Variants in MSH3 observed in about 807,000 individuals in gnomAD.
MSH3 encodes DNA mismatch repair protein Msh3.
A neutral mutation model predicts 123.3 loss-of-function variants in MSH3; 106 were observed. The ratio of observed to expected loss-of-function variants is 0.86; its 90% CI spans 0.73 to 1.01. MSH3 has a LOEUF of 1.01. Among genes scored for constraint, MSH3 ranks in the 50% least tolerant of loss-of-function variants. MSH3 has a pLI of 0.00. For synonymous variants in MSH3, 515 were observed against 481.4 expected (o/e 1.07, Z -0.91); for missense variants, 1,459 against 1,347.6 (o/e 1.08, Z -1.29).
At chr5:80,702,922 G>C (rs1750644603) in intron 8 of MSH3, among the ~76,000 whole-genome samples, 1 of 152,176 alleles carries the variant, frequency 6.6e-6, no homozygotes, top group African/African-American at 2.4e-5. Flanking sequence ...TGAGGCAGGA[G>C]AATCACTTGA....
intron 4 of MSH3, 108 bp downstream of exon 4, chr5:80,670,417 A>G (rs6151631): frequency 2.7e-5 from 31 of 1,139,468 alleles, no homozygotes; most frequent in Non-Finnish European, 3.6e-5. Context: ...GATTTGATCA[A>G]TCACCTTTTA....
chr5:80,670,454 C>T, intron 4 of MSH3, 145 bp downstream of exon 4: 2 of 915,042 alleles, frequency 2.2e-6, no homozygotes, highest in Non-Finnish European at 3.3e-6. Flanking sequence ...AAAGTAAAAA[C>T]TAAAAATGAA....
At chr5:80,784,240 G>GA (rs1561477481) in intron 17 of MSH3, among the ~76,000 whole-genome samples, 1 of 70,636 alleles carries the variant, frequency 1.4e-5, no homozygotes, top group South Asian at 4.3e-4. Flanking sequence ...AAAAAAAAAA[G>GA]GGAAATAAAT....
intron 8 of MSH3, among the ~76,000 whole-genome samples, chr5:80,714,384 C>T (rs1750916539): frequency 6.6e-6 from 1 of 151,976 alleles, no homozygotes; most frequent in South Asian, 2.1e-4. Context: ...GATCCGCCCT[C>T]CTGAGCCTCC....
chr5:80,749,740 C>T (rs1016670942), intron 12 of MSH3, among the ~76,000 whole-genome samples: 3 of 152,066 alleles, frequency 2.0e-5, no homozygotes, highest in African/African-American at 7.2e-5. Context: ...TTAAAACCCT[C>T]TTTTAGCTAT....
Position 80,792,873 on chromosome 5 carries a change from G to A in MSH3, c.2655+29G>A, listed in dbSNP as rs548822719. On this transcript the variant is annotated intron_variant, in intron 19 of 23. Transcript: ENST00000265081. ...AGTACCTTATGCCAAAAAATAAGTCGATGATAACATCCCAAACTTTTACAT... is the reference window on the plus strand; with the variant it reads ...AGTACCTTATGCCAAAAAATAAGTCAATGATAACATCCCAAACTTTTACAT... 36 of 1,391,808 alleles carry A rather than the reference G, an allele frequency of 2.6e-5. No homozygotes were observed. The South Asian group carries it at 3.1e-4, about 12-fold the overall frequency. The allele number at this position is 1,391,808 out of a possible 1,614,324, so 86.2% of individuals were successfully genotyped here.
At chr5:80,661,726 CTAAT>C (rs1749439429) in intron 2 of MSH3, among the ~76,000 whole-genome samples, 1 of 152,124 alleles carries the variant, frequency 6.6e-6, no homozygotes, top group African/African-American at 2.4e-5. Context: ...TGTCTAGTAA[CTAAT>C]TATTTGGATC....
rs1749812860 is a variant in MSH3, at chr5:80,675,147, A to T, written c.1173+19A>T. The T allele has an allele frequency of 6.2e-7, 1 of 1,613,316 alleles. No individual in the cohort carries two copies. The highest frequency in any genetic ancestry group is 8.5e-7 in the Non-Finnish European group (1 of 1,179,458). Reference sequence around the variant, plus strand: ...CATTGTGGTAAGTACTTTGCAGGTGAGGAACAAATGTTAGATGTTCATGGT... The same window carrying T: ...CATTGTGGTAAGTACTTTGCAGGTGTGGAACAAATGTTAGATGTTCATGGT... On this transcript the variant is annotated intron_variant, in intron 7 of 23. Transcript: ENST00000265081.
chr5:80,654,920 GCGC>G lies in MSH3; in HGVS notation c.195_197del (p.Pro67del). The G allele has an allele frequency of 6.6e-7, 1 of 1,516,950 alleles. No homozygotes were observed. The highest frequency in any genetic ancestry group is 8.8e-7 in the Non-Finnish European group (1 of 1,136,924). 94.0% of individuals were successfully genotyped at this position (1,516,950 alleles called of 1,614,324 possible). On this transcript the variant is annotated inframe_deletion, in exon 1 of 24. Coordinates refer to ENST00000265081, the MANE Select transcript of MSH3 (RefSeq NM_002439.5). ...GGCCGCAGCGGCCGCAGCGCCCCCA[GCGC>G]CCCCAGCTCCCGCCTTCCCGCCCCA... is the stretch of plus-strand genomic sequence containing the variant.
Position 80,654,896 on chromosome 5 carries a change from GC to G in MSH3, c.171del (p.Ala58GlnfsTer22), listed in dbSNP as rs1561428827. 1.2e-6 allele frequency: 1 copy of G among 815,078 alleles called. No individual in the cohort carries two copies. Among genetic ancestry groups the G allele is most frequent in the Non-Finnish European group, 1.7e-6 (1 of 599,326 alleles). The allele number at this position is 815,078 out of a possible 1,614,324, so 50.5% of individuals were successfully genotyped here. ...VDPGAAAAAA[A>X]AAAAAPPAPP... ...CCCTGGCGCTGCAGCGGCTGCAGCG[GC>G]CGCAGCGGCCGCAGCGCCCCCAGCG... On this transcript the variant is annotated frameshift_variant, in exon 1 of 24. Coordinates refer to ENST00000265081, the MANE Select transcript of MSH3 (RefSeq NM_002439.5). LOFTEE classifies it high-confidence loss of function.
intron 20 of MSH3, among the ~76,000 whole-genome samples, chr5:80,842,410 A>G (rs1445005422): frequency 1.3e-5 from 2 of 152,092 alleles, no homozygotes; most frequent in African/African-American, 4.8e-5. Context: ...TTCCATATGA[A>G]GTTTAAAGTA....
chr5:80,818,036 G>A (rs1266151417), intron 20 of MSH3, among the ~76,000 whole-genome samples: 4 of 152,028 alleles, frequency 2.6e-5, no homozygotes, highest in South Asian at 4.1e-4. Flanking sequence ...AATGGCCAAC[G>A]TGGTGAAACC....
At chr5:80,721,440 A>G (rs1331627229) in intron 8 of MSH3, among the ~76,000 whole-genome samples, 4 of 152,206 alleles carry the variant, frequency 2.6e-5, no homozygotes. Context: ...TCAAATATAC[A>G]AACTGCACTC....
chr5:80,786,562 C>G (rs1206233456), intron 17 of MSH3, among the ~76,000 whole-genome samples: 2 of 152,174 alleles, frequency 1.3e-5, no homozygotes, highest in African/African-American at 4.8e-5. Flanking sequence ...CTCTTAATCT[C>G]TCTTGGAGGC....
At chr5:80,779,334 T>G (rs34341204) in intron 17 of MSH3, among the ~76,000 whole-genome samples, 20,369 of 151,980 alleles carry the variant, frequency 0.13, 1,394 homozygotes, top group East Asian at 0.28. Flanking sequence ...AAGATGACCC[T>G]CTATACACCC....
At chr5:80,658,035 C>CCCTTT (rs369384745) in intron 2 of MSH3, among the ~76,000 whole-genome samples, 6 of 87,216 alleles carry the variant, frequency 6.9e-5, no homozygotes, top group African/African-American at 2.6e-4. Context: ...GCTTTTTGCC[C>CCCTTT]TCTTTTTTTT....
At chr5:80,700,483 A>T (rs1016669551) in intron 8 of MSH3, among the ~76,000 whole-genome samples, 11 of 152,218 alleles carry the variant, frequency 7.2e-5, no homozygotes, top group Non-Finnish European at 1.3e-4. Context: ...TATTAGTATT[A>T]AAAAATCTGT....
intron 8 of MSH3, among the ~76,000 whole-genome samples, chr5:80,696,641 T>C (rs1211438241): frequency 6.6e-6 from 1 of 152,208 alleles, no homozygotes; most frequent in Admixed American, 6.5e-5. Context: ...AGTCGTCTTA[T>C]GTTTGTTTGA....
At chr5:80,870,232 A>G (rs981523920) in intron 22 of MSH3, among the ~76,000 whole-genome samples, 2 of 151,396 alleles carry the variant, frequency 1.3e-5, no homozygotes, top group African/African-American at 4.9e-5. Flanking sequence ...ATTTTGTGGC[A>G]TTTATCAGGC....
Sources: allele counts gnomAD v4.1 joint callset (sites outside exome capture counted in the v4.1 genomes callset), GRCh38; gene constraint gnomAD v4.1.1; transcripts MANE v1.5; gene names NCBI Gene and HGNC (gene_info 2026-07-23, HGNC 2026-07-21).